The following CCSER1 variants were observed in gnomAD, a reference collection of about 807,000 sequenced individuals.
The protein encoded by CCSER1 is serine-rich coiled-coil domain-containing protein 1.
In CCSER1, 41 loss-of-function variants were observed where a neutral mutation model predicts 82.0. The observed-to-expected ratio is 0.50, with a 90% confidence interval of 0.39 to 0.65. The LOEUF (loss-of-function observed/expected upper bound fraction) is 0.65. Among genes scored for constraint, CCSER1 ranks in the 30% least tolerant of loss-of-function variants. CCSER1 has a pLI of 0.00. For synonymous variants in CCSER1, 414 were observed against 383.9 expected, an observed-to-expected ratio of 1.08 and a Z score of -0.92; for missense variants, 1,119 against 1,064.2, an observed-to-expected ratio of 1.05 and a Z score of -0.72.
At chr4:90,825,880 C>A (rs116162327) in intron 8 of CCSER1, among the ~76,000 whole-genome samples, 1 of 151,642 alleles carries the variant, frequency 6.6e-6, no homozygotes, top group East Asian at 2.0e-4. Flanking sequence ...TTAGTAGAGA[C>A]GGGGTTTCGC....
At chr4:90,637,054 AAATC>A (rs1368074260) in intron 6 of CCSER1, among the ~76,000 whole-genome samples, 3 of 152,202 alleles carry the variant, frequency 2.0e-5, no homozygotes, top group Admixed American at 1.3e-4. Context: ...CTAGTAGACT[AAATC>A]AATATTTGTT....
At chr4:90,710,957 C>T (rs920340026) in intron 6 of CCSER1, among the ~76,000 whole-genome samples, 2 of 151,988 alleles carry the variant, frequency 1.3e-5, no homozygotes, top group Admixed American at 6.6e-5. Context: ...TCTTCTTATC[C>T]GTGAGCATGA....
At chr4:90,768,913 A>C (rs1365992732) in intron 7 of CCSER1, among the ~76,000 whole-genome samples, 1 of 152,154 alleles carries the variant, frequency 6.6e-6, no homozygotes, top group Non-Finnish European at 1.5e-5. Context: ...ATGGCTTTGA[A>C]AATTCTCAGC....
intron 10 of CCSER1, among the ~76,000 whole-genome samples, chr4:91,489,823 C>T (rs905261932): frequency 1.0e-4 from 11 of 109,618 alleles, no homozygotes; most frequent in African/African-American, 3.5e-4. Flanking sequence ...TAAAGGACTT[C>T]TTGGATGATG....
At chr4:91,120,360 A>G (rs1474957451) in intron 10 of CCSER1, among the ~76,000 whole-genome samples, 5 of 152,056 alleles carry the variant, frequency 3.3e-5, no homozygotes, top group African/African-American at 1.2e-4. Context: ...TTATATCAGC[A>G]TCATGATGAT....
intron 10 of CCSER1, among the ~76,000 whole-genome samples, chr4:91,535,556 G>A (rs1270466296): frequency 6.6e-6 from 1 of 151,976 alleles, no homozygotes; most frequent in Non-Finnish European, 1.5e-5. Flanking sequence ...ATGTCTTTTG[G>A]GAACATGTGG....
intron 9 of CCSER1, among the ~76,000 whole-genome samples, chr4:91,066,346 T>G (rs1459197252): frequency 6.6e-6 from 1 of 152,184 alleles, no homozygotes; most frequent in Admixed American, 6.5e-5. Flanking sequence ...GTCGCACAGT[T>G]AGCGACAGAG....
At chr4:91,144,270 T>C (rs1052360234) in intron 10 of CCSER1, among the ~76,000 whole-genome samples, 2 of 152,022 alleles carry the variant, frequency 1.3e-5, no homozygotes, top group African/African-American at 4.8e-5. Context: ...CATAATGGTC[T>C]CTGAGGATCT....
intron 10 of CCSER1, among the ~76,000 whole-genome samples, chr4:91,397,419 G>T (rs2049790655): frequency 6.6e-6 from 1 of 152,042 alleles, no homozygotes; most frequent in Admixed American, 6.6e-5. Flanking sequence ...TGTATTTTAT[G>T]CGTGACTCAG....
intron 1 of CCSER1, among the ~76,000 whole-genome samples, chr4:90,223,951 C>A (rs1156314082): frequency 6.6e-6 from 1 of 152,150 alleles, no homozygotes; most frequent in Non-Finnish European, 1.5e-5. Flanking sequence ...ATCTTTGTAT[C>A]TCAGTGCCTA....
chr4:90,600,699 T>C (rs542169301), intron 5 of CCSER1, among the ~76,000 whole-genome samples: 4 of 152,112 alleles, frequency 2.6e-5, no homozygotes, highest in East Asian at 1.9e-4. Context: ...CTAGCTACTT[T>C]ATGTCCTTTA....
intron 1 of CCSER1, among the ~76,000 whole-genome samples, chr4:90,280,087 G>A (rs564049547): frequency 6.6e-6 from 1 of 152,012 alleles, no homozygotes; most frequent in East Asian, 1.9e-4. Flanking sequence ...GAAGTTATGA[G>A]GAGTTTGTTG....
At chr4:91,521,541 G>A (rs555018798) in intron 10 of CCSER1, among the ~76,000 whole-genome samples, 48 of 152,244 alleles carry the variant, frequency 3.2e-4, no homozygotes, top group Non-Finnish European at 1.6e-4. Flanking sequence ...TCCACCATCT[G>A]TTGTTTCCTG....
intron 9 of CCSER1, among the ~76,000 whole-genome samples, chr4:90,924,854 G>T (rs1317832481): frequency 1.3e-5 from 2 of 152,074 alleles, no homozygotes; most frequent in African/African-American, 4.8e-5. Context: ...ACCATCCCAG[G>T]TAACTGGGAT....
intron 6 of CCSER1, among the ~76,000 whole-genome samples, chr4:90,647,120 A>C (rs1727739913): frequency 6.6e-6 from 1 of 152,106 alleles, no homozygotes; most frequent in African/African-American, 2.4e-5. Context: ...TTAATTGAGA[A>C]TTCTCCTTAT....
intron 10 of CCSER1, among the ~76,000 whole-genome samples, chr4:91,271,328 C>T (rs1024991804): frequency 6.6e-6 from 1 of 151,894 alleles, no homozygotes; most frequent in Non-Finnish European, 1.5e-5. Context: ...ATAATAAGTT[C>T]TTTAGTGGTG....
chr4:91,007,881 A>G (rs1369423762), intron 9 of CCSER1, among the ~76,000 whole-genome samples: 2 of 152,016 alleles, frequency 1.3e-5, no homozygotes, highest in Admixed American at 6.5e-5. Flanking sequence ...GCTTGTTGCC[A>G]TATACTTCCC....
intron 1 of CCSER1, among the ~76,000 whole-genome samples, chr4:90,286,002 A>G (rs979829308): frequency 6.6e-6 from 1 of 152,048 alleles, no homozygotes; most frequent in African/African-American, 2.4e-5. Context: ...ATCATGATGA[A>G]TGATCTATTT....
At chr4:91,274,045 T>A (rs545549513) in intron 10 of CCSER1, among the ~76,000 whole-genome samples, 23 of 152,308 alleles carry the variant, frequency 1.5e-4, no homozygotes, top group African/African-American at 5.3e-4. Flanking sequence ...ATTATACCAA[T>A]AAGAAAGTCT....
Sources: gnomAD v4.1 joint callset for allele counts (sites outside exome capture counted in the v4.1 genomes callset) on GRCh38, gnomAD v4.1.1 for gene constraint, MANE v1.5 for transcripts, NCBI Gene and HGNC (gene_info 2026-07-23, HGNC 2026-07-21) for gene names.